Variants in SDK1 observed in about 807,000 individuals in gnomAD.
SDK1 encodes the protein protein sidekick-1.
A neutral mutation model predicts 245.5 loss-of-function variants in SDK1; 157 were observed. The ratio of observed to expected loss-of-function variants is 0.64; its 90% CI spans 0.56 to 0.73. SDK1 has a LOEUF of 0.73. Among genes scored for constraint, SDK1 ranks in the 30% least tolerant of loss-of-function variants. SDK1 has a pLI of 0.00. For missense variants in SDK1, 3,583 were observed against 3,002.3 expected (o/e 1.19, Z -4.52); for synonymous variants, 1,647 against 1,278.5 (o/e 1.29, Z -6.15).
chr7:4,120,075 A>C (rs1783961333), intron 25 of SDK1, among the ~76,000 whole-genome samples: 1 of 148,060 alleles, frequency 6.8e-6, no homozygotes, highest in Non-Finnish European at 1.5e-5. Context: ...TAAAAGCTAG[A>C]TTTGAGTAAA....
At chr7:3,332,663 G>A (rs751315556) in intron 1 of SDK1, among the ~76,000 whole-genome samples, 11 of 152,088 alleles carry the variant, frequency 7.2e-5, no homozygotes, top group Non-Finnish European at 1.5e-4. Context: ...ATTAAAGTTA[G>A]TAGAGGCTAG....
intron 1 of SDK1, among the ~76,000 whole-genome samples, chr7:3,474,928 G>A (rs1311457128): frequency 6.6e-6 from 1 of 152,146 alleles, no homozygotes; most frequent in Non-Finnish European, 1.5e-5. Context: ...CTGGGCTCAA[G>A]TGAGCCTCCT....
chr7:3,857,335 A>T (rs1395974564), intron 5 of SDK1, among the ~76,000 whole-genome samples: 1 of 152,174 alleles, frequency 6.6e-6, no homozygotes, highest in Non-Finnish European at 1.5e-5. Flanking sequence ...AGGTATAGAT[A>T]TTAGAAAAAG....
chr7:3,430,172 C>A (rs184220763), intron 1 of SDK1, among the ~76,000 whole-genome samples: 4 of 152,300 alleles, frequency 2.6e-5, no homozygotes, highest in African/African-American at 7.2e-5. Context: ...TCTCCGCATG[C>A]TCCTAGAGAA....
chr7:3,344,715 A>G (rs912425132), intron 1 of SDK1, among the ~76,000 whole-genome samples: 2 of 152,236 alleles, frequency 1.3e-5, no homozygotes, highest in African/African-American at 4.8e-5. Context: ...CGTTTCAATC[A>G]GATGGGCCTG....
At position 3,547,356 on chromosome 7, in the gene SDK1, A is replaced by G. The variant is rs528693079; in HGVS notation, c.299-71724A>G. Among the ~76,000 whole-genome samples, 4 of 152,322 alleles carry G rather than the reference A, an allele frequency of 2.6e-5. No homozygotes were observed. The East Asian group carries it at 7.7e-4, about 29-fold the overall frequency. ...ATGTGGTAAATAAAAATTAACAATA[A>G]AATTGAGGTTTTAAAACTTACCTTG... On this transcript the variant is annotated intron_variant, in intron 1 of 44. Coordinates refer to ENST00000404826, the MANE Select transcript of SDK1 (RefSeq NM_152744.4).
intron 1 of SDK1, among the ~76,000 whole-genome samples, chr7:3,346,152 TAAG>T (rs1362910187): frequency 3.9e-5 from 6 of 152,184 alleles, no homozygotes; most frequent in Non-Finnish European, 8.8e-5. Flanking sequence ...CCTACTGTCT[TAAG>T]AATAAATTTC....
chr7:3,977,868 A>G (rs1783082848), intron 13 of SDK1, among the ~76,000 whole-genome samples: 1 of 152,234 alleles, frequency 6.6e-6, no homozygotes. Context: ...GCGTGCATGC[A>G]TGAAGGAATG....
At chr7:4,130,428 A>G (rs765801554) in intron 27 of SDK1, 3 of 327,086 alleles carry the variant, frequency 9.2e-6, no homozygotes, top group Non-Finnish European at 1.1e-5. Flanking sequence ...GGGGCTCCAC[A>G]CACTTCGTGT....
chr7:3,982,620 C>T (rs916692170), intron 13 of SDK1, among the ~76,000 whole-genome samples: 1 of 152,044 alleles, frequency 6.6e-6, no homozygotes, highest in South Asian at 2.1e-4. Flanking sequence ...GTGGGTGGAT[C>T]ACAAGGTCAG....
intron 1 of SDK1, among the ~76,000 whole-genome samples, chr7:3,484,023 C>T (rs894186996): frequency 6.6e-6 from 1 of 152,134 alleles, no homozygotes; most frequent in African/African-American, 2.4e-5. Flanking sequence ...ATTGGGATAT[C>T]TGTCACCTCA....
intron 22 of SDK1, among the ~76,000 whole-genome samples, chr7:4,095,466 G>A (rs9768083): frequency 0.031 from 4,678 of 152,312 alleles, 231 homozygotes; most frequent in African/African-American, 0.1. Context: ...TTTCTATTGG[G>A]AACCAAGCAT....
intron 4 of SDK1, among the ~76,000 whole-genome samples, chr7:3,789,282 G>C (rs1378413749): frequency 2.0e-5 from 3 of 152,098 alleles, no homozygotes; most frequent in Admixed American, 2.0e-4. Context: ...CAAGTAGCTG[G>C]GATTCCAGGC....
At chr7:4,072,930 G>A (rs1349166083) in intron 20 of SDK1, among the ~76,000 whole-genome samples, 1 of 152,230 alleles carries the variant, frequency 6.6e-6, no homozygotes, top group African/African-American at 2.4e-5. Context: ...CCCATTGCCC[G>A]CTCATTGTAA....
intron 44 of SDK1, among the ~76,000 whole-genome samples, chr7:4,249,283 A>C (rs1305296478): frequency 6.6e-6 from 1 of 152,214 alleles, no homozygotes; most frequent in Admixed American, 6.5e-5. Context: ...CTGGAGAGGC[A>C]GACCTCAGCA....
chr7:3,577,114 T>G (rs975401939), intron 1 of SDK1, among the ~76,000 whole-genome samples: 1 of 151,942 alleles, frequency 6.6e-6, no homozygotes, highest in African/African-American at 2.4e-5. Context: ...ACTGGAAGAT[T>G]TCGCCTGCCT....
intron 19 of SDK1, among the ~76,000 whole-genome samples, chr7:4,066,373 G>A (rs1484575905): frequency 1.3e-5 from 2 of 152,182 alleles, no homozygotes; most frequent in African/African-American, 4.8e-5. Context: ...TTCAGGCACC[G>A]CACAGGTGCC....
chr7:3,637,742 T>C (rs994930517), intron 2 of SDK1, among the ~76,000 whole-genome samples: 1 of 152,164 alleles, frequency 6.6e-6, no homozygotes, highest in African/African-American at 2.4e-5. Flanking sequence ...AAGTGGAAAA[T>C]CCAAAGGAAA....
At chr7:3,341,476 C>T (rs1042592795) in intron 1 of SDK1, among the ~76,000 whole-genome samples, 1 of 152,000 alleles carries the variant, frequency 6.6e-6, no homozygotes, top group Non-Finnish European at 1.5e-5. Flanking sequence ...CTTTGCTGTC[C>T]AAAACAGTAG....
Sources: allele counts gnomAD v4.1 joint callset (sites outside exome capture counted in the v4.1 genomes callset), GRCh38; gene constraint gnomAD v4.1.1; transcripts MANE v1.5; gene names NCBI Gene and HGNC (gene_info 2026-07-23, HGNC 2026-07-21).